Variants in NTNG1 observed in about 807,000 individuals in gnomAD.
The protein encoded by NTNG1 is netrin G1, also known as netrin-G1.
Under a neutral mutation model 54.0 loss-of-function variants are expected in NTNG1, and 16 were observed. The observed-to-expected ratio is 0.30, with a 90% confidence interval of 0.20 to 0.45. The LOEUF (loss-of-function observed/expected upper bound fraction) is 0.45, where lower values mean the gene tolerates loss of function less well. Among genes scored for constraint, NTNG1 ranks in the 20% least tolerant of loss-of-function variants. NTNG1 has a pLI of 1.00. For synonymous variants in NTNG1, 255 were observed against 263.1 expected (o/e 0.97, Z 0.30); for missense variants, 530 against 678.7 (o/e 0.78, Z 2.43).
chr1:107,207,179 G>A (rs1172811103), intron 2 of NTNG1, among the ~76,000 whole-genome samples: 2 of 152,096 alleles, frequency 1.3e-5, no homozygotes, highest in Non-Finnish European at 2.9e-5. Context: ...TCTCTTCCCA[G>A]TCTGACACAG....
In NTNG1 at chr1:107,436,679, C is replaced by T; in HGVS notation, c.1270C>T (p.Pro424Ser). The change falls in exon 7 of 8, where the codon CCT (proline) becomes TCT (serine). Residue 424 changes from proline (P) to serine (S), a missense_variant. Transcript: ENST00000370068. ...TGTTTCTACAGAGTGTTATTGTAAC[C>T]CTTTGGGCTCAATCCATGATCGTTG... ...ENVCIECYCN[P>S]LGSIHDRCNG... is the part of the protein sequence containing the mutation. The T allele has an allele frequency of 6.2e-7, 1 of 1,613,412 alleles. No homozygotes were observed. Among genetic ancestry groups the T allele is most frequent in the Middle Eastern group, 1.7e-4 (1 of 6,054 alleles).
chr1:107,427,815 T>C, intron 5 of NTNG1, among the ~76,000 whole-genome samples: 1 of 152,166 alleles, frequency 6.6e-6, no homozygotes, highest in South Asian at 2.1e-4. Flanking sequence ...TGATTTCTTA[T>C]ACAATTATTT....
intron 2 of NTNG1, among the ~76,000 whole-genome samples, chr1:107,275,374 C>CA (rs997366644): frequency 4.0e-5 from 6 of 150,854 alleles, no homozygotes; most frequent in African/African-American, 1.5e-4. Context: ...GACTCCGTCT[C>CA]AAAAAAAATA....
intron 2 of NTNG1, among the ~76,000 whole-genome samples, chr1:107,255,853 A>G (rs1281925039): frequency 6.6e-6 from 1 of 152,206 alleles, no homozygotes; most frequent in African/African-American, 2.4e-5. Flanking sequence ...TAGCCTATTC[A>G]CACATAATTG....
At chr1:107,312,392 C>T (rs1667069067) in intron 2 of NTNG1, among the ~76,000 whole-genome samples, 1 of 151,998 alleles carries the variant, frequency 6.6e-6, no homozygotes, top group Admixed American at 6.6e-5. Flanking sequence ...CTGACTACAC[C>T]CAAGGAGATG....
chr1:107,334,048 G>T (rs1447629746), intron 3 of NTNG1: 2 of 151,826 alleles, frequency 1.3e-5, no homozygotes, highest in Non-Finnish European at 1.5e-5. Context: ...GATGCTAAAG[G>T]ATTTTTATTC....
intron 7 of NTNG1, among the ~76,000 whole-genome samples, chr1:107,471,384 C>T (rs908314166): frequency 6.6e-6 from 1 of 152,144 alleles, no homozygotes; most frequent in African/African-American, 2.4e-5. Context: ...AAAGCAAGGG[C>T]ATTTTCACAT....
At chr1:107,172,655 A>C (rs1224497603) in intron 2 of NTNG1, among the ~76,000 whole-genome samples, 1 of 152,178 alleles carries the variant, frequency 6.6e-6, no homozygotes, top group African/African-American at 2.4e-5. Flanking sequence ...GGCTGTGGCG[A>C]ATACTGACTA....
intron 7 of NTNG1, among the ~76,000 whole-genome samples, chr1:107,454,476 G>A (rs538997734): frequency 2.6e-5 from 4 of 152,120 alleles, no homozygotes; most frequent in South Asian, 4.1e-4. Context: ...AGATGTTAAC[G>A]GAAACAACGG....
intron 2 of NTNG1, among the ~76,000 whole-genome samples, chr1:107,167,119 G>T (rs778696607): frequency 6.6e-6 from 1 of 151,996 alleles, no homozygotes; most frequent in African/African-American, 2.4e-5. Context: ...ATATTGGACT[G>T]TTGGTTTTAC....
Position 107,172,442 on chromosome 1 carries a change from G to A in NTNG1, c.246+23603G>A, listed in dbSNP as rs181734863. ...ATAATTGACCCCACTTTTCAAATGC[G>A]GAAGGTAGGACACAGAAAAATTACA... On this transcript the variant is annotated intron_variant, in intron 2 of 7. Transcript: ENST00000370068. 2.2e-4 allele frequency among the ~76,000 whole-genome samples: 33 copies of A among 152,184 alleles called. 1 individual carries two copies. Among genetic ancestry groups the A allele is most frequent in the East Asian group, 1.9e-4 (1 of 5,174 alleles).
intron 2 of NTNG1, among the ~76,000 whole-genome samples, chr1:107,231,777 T>C (rs1472155632): frequency 1.3e-5 from 2 of 152,134 alleles, no homozygotes; most frequent in African/African-American, 4.8e-5. Context: ...TTTAGCATCT[T>C]GGATACTGCC....
chr1:107,294,388 C>T (rs1397269758), intron 2 of NTNG1, among the ~76,000 whole-genome samples: 1 of 152,150 alleles, frequency 6.6e-6, no homozygotes, highest in African/African-American at 2.4e-5. Context: ...TAGTTAGCCG[C>T]TTTGTGTGCC....
At chr1:107,236,470 T>C (rs1034220308) in intron 2 of NTNG1, among the ~76,000 whole-genome samples, 9 of 152,126 alleles carry the variant, frequency 5.9e-5, no homozygotes, top group Admixed American at 5.2e-4. Flanking sequence ...AAGTGAAGTA[T>C]ACAGATGATG....
chr1:107,396,668 T>C (rs986541526), intron 4 of NTNG1, among the ~76,000 whole-genome samples: 3 of 152,194 alleles, frequency 2.0e-5, no homozygotes, highest in Non-Finnish European at 4.4e-5. Flanking sequence ...TGCAATACCC[T>C]GTGGCTGGCT....
intron 3 of NTNG1, among the ~76,000 whole-genome samples, chr1:107,328,292 A>T (rs1487082449): frequency 6.6e-6 from 1 of 152,160 alleles, no homozygotes. Flanking sequence ...GTGTGCCAGT[A>T]CCTTAATTAA....
At chr1:107,281,590 A>G (rs961442979) in intron 2 of NTNG1, among the ~76,000 whole-genome samples, 1 of 152,008 alleles carries the variant, frequency 6.6e-6, no homozygotes, top group Non-Finnish European at 1.5e-5. Flanking sequence ...TTTGCCCTGC[A>G]TTTTCCTCAA....
chr1:107,429,324 C>A (rs114280838), intron 5 of NTNG1, among the ~76,000 whole-genome samples: 1 of 152,080 alleles, frequency 6.6e-6, no homozygotes, highest in African/African-American at 2.4e-5. Flanking sequence ...TGAATATGAA[C>A]TTTTCTGATG....
chr1:107,184,040 C>T (rs975552427), intron 2 of NTNG1, among the ~76,000 whole-genome samples: 2 of 152,118 alleles, frequency 1.3e-5, no homozygotes, highest in African/African-American at 2.4e-5. Flanking sequence ...TACAATCGAT[C>T]TATCTACTGC....
Sources: gnomAD v4.1 joint callset for allele counts (sites outside exome capture counted in the v4.1 genomes callset) on GRCh38, gnomAD v4.1.1 for gene constraint, MANE v1.5 for transcripts, NCBI Gene and HGNC (gene_info 2026-07-23, HGNC 2026-07-21) for gene names.